The following ARMH1 variants were observed in gnomAD, a reference collection of about 807,000 sequenced individuals.
The protein encoded by ARMH1 is armadillo like helical domain containing 1.
ARMH1 carries 34 observed loss-of-function variants against 50.2 expected under a neutral mutation model. The observed-to-expected ratio is 0.68, with a 90% confidence interval of 0.51 to 0.90. ARMH1 has a LOEUF of 0.90. Ranked by LOEUF, ARMH1 falls within the 40% of genes least tolerant of loss-of-function variation. ARMH1 has a pLI of 0.00. For synonymous variants in ARMH1, 221 were observed against 224.2 expected (o/e 0.99, Z 0.13); for missense variants, 538 against 553.9 (o/e 0.97, Z 0.29).
chr1:44,697,962 G>A (rs773249588), intron 3 of ARMH1, 101 bp from the exon 4 acceptor site: 2 of 905,894 alleles, frequency 2.2e-6, no homozygotes, highest in Non-Finnish European at 3.2e-6. Context: ...CTGGATAGGA[G>A]GGCAAAGTAT....
intron 6 of ARMH1, among the ~76,000 whole-genome samples, chr1:44,722,341 C>G (rs1647399695): frequency 6.6e-6 from 1 of 151,956 alleles, no homozygotes; most frequent in Non-Finnish European, 1.5e-5. Context: ...ATCGCTTGAG[C>G]CCAGGAGTTC....
chr1:44,718,195 T>C (rs949064884), intron 6 of ARMH1, among the ~76,000 whole-genome samples: 3 of 152,214 alleles, frequency 2.0e-5, no homozygotes, highest in Middle Eastern at 3.2e-3. Context: ...CACCAAGTCA[T>C]GTCTTGCTGC....
chr1:44,706,814 C>T (rs1178232301), intron 6 of ARMH1, among the ~76,000 whole-genome samples: 1 of 151,962 alleles, frequency 6.6e-6, no homozygotes, highest in Non-Finnish European at 1.5e-5. Flanking sequence ...ATAGTCAGAC[C>T]CTGCACCAGA....
chr1:44,694,510 T>C (rs1645760351), intron 2 of ARMH1, among the ~76,000 whole-genome samples: 1 of 15,292 alleles, frequency 6.5e-5, no homozygotes. Context: ...TCTTTTTTTC[T>C]TTTTTTTTTT....
intron 6 of ARMH1, among the ~76,000 whole-genome samples, chr1:44,713,309 G>C (rs1249625512): frequency 6.6e-6 from 1 of 151,998 alleles, no homozygotes; most frequent in African/African-American, 2.4e-5. Context: ...ATGTTGGCCA[G>C]GCTGGTCTCC....
chr1:44,706,181 G>T (rs1412644300), intron 6 of ARMH1, among the ~76,000 whole-genome samples: 1 of 152,194 alleles, frequency 6.6e-6, no homozygotes, highest in Non-Finnish European at 1.5e-5. Context: ...TATGCCAGGT[G>T]GGCCAGAGCC....
At chr1:44,721,713 T>C (rs1051068905) in intron 6 of ARMH1, 2 of 152,112 alleles carry the variant, frequency 1.3e-5, no homozygotes, top group East Asian at 1.9e-4. Context: ...TGGGTGACAT[T>C]TGTGGAGCTA....
chr1:44,700,353 C>T (rs948950068), intron 4 of ARMH1, among the ~76,000 whole-genome samples: 1 of 152,164 alleles, frequency 6.6e-6, no homozygotes, highest in Non-Finnish European at 1.5e-5. Context: ...CGCCGTGGCT[C>T]ACGCCTCTAA....
rs1183219741 is a variant in ARMH1, at chr1:44,698,199, A to G, written c.412A>G (p.Thr138Ala). ...LLQVIANSGR[T>A]YKELICESYG... ...TCAGGTTATTGCGAACTCTGGCAGG[A>G]CATACAAGGAACTCATTTGTGAAAG... Residue 138 changes from threonine to alanine, a missense_variant, in exon 4 of 12, where the codon ACA becomes GCA. Physicochemically the swap from Thr to Ala is moderately conservative, Grantham distance 58. Coordinates refer to ENST00000535358, the MANE Select transcript of ARMH1 (RefSeq NM_001145636.2). 3 of 1,552,162 alleles carry G rather than the reference A, an allele frequency of 1.9e-6. No individual in the cohort carries two copies. The highest frequency in any genetic ancestry group is 2.6e-6 in the Non-Finnish European group (3 of 1,147,068).
intron 1 of ARMH1, among the ~76,000 whole-genome samples, chr1:44,685,634 CT>C (rs531526155): frequency 8.9e-4 from 124 of 139,320 alleles, no homozygotes; most frequent in Admixed American, 1.1e-3. Context: ...CTTTTTTTTT[CT>C]TTTTTTTTTT....
chr1:44,698,012 C>T (rs1645887263), intron 3 of ARMH1, 51 bp from the exon 4 acceptor site: 1 of 1,456,026 alleles, frequency 6.9e-7, no homozygotes, highest in Non-Finnish European at 9.2e-7. Context: ...AAGCTCAGTG[C>T]AAAGGAACTT....
Position 44,724,567 on chromosome 1 carries a change from G to A in ARMH1, c.949G>A (p.Ala317Thr), listed in dbSNP as rs1401123633. The change falls in exon 9 of 12, where the codon GCC (alanine) becomes ACC (threonine). Residue 317 changes from alanine (A) to threonine (T), a missense_variant. By Grantham distance (58) the Ala-to-Thr change is moderately conservative. Transcript: ENST00000535358. The surrounding 1 kb of genome is among the most constrained non-coding windows in gnomAD (Gnocchi z 6.4). ...GVLARNDMSI[A>T]EELLYLRVVR... ...CCTGGCGCGCAACGACATGAGCATC[G>A]CCGAGGAGCTGCTGTACCTGCGCGT... is the stretch of plus-strand genomic sequence containing the variant. 1 of 1,515,052 alleles carries A rather than the reference G, an allele frequency of 6.6e-7. No homozygotes were observed. Among genetic ancestry groups the A allele is most frequent in the East Asian group, 2.7e-5 (1 of 37,420 alleles). The allele number at this position is 1,515,052 out of a possible 1,614,324, so 93.9% of individuals were successfully genotyped here.
chr1:44,703,683 G>A (rs966884247), intron 5 of ARMH1, among the ~76,000 whole-genome samples: 1 of 149,342 alleles, frequency 6.7e-6, no homozygotes, highest in Non-Finnish European at 1.5e-5. Context: ...AGCCGAGATC[G>A]CGCCACTGCA....
Position 44,713,169 on chromosome 1 carries a change from G to A in ARMH1, c.724+8996G>A, listed in dbSNP as rs551148692. 4.1e-5 allele frequency among the ~76,000 whole-genome samples: 6 copies of A among 147,988 alleles called. No homozygotes were observed. The South Asian group carries it at 1.3e-3, about 32-fold the overall frequency. On this transcript the variant is annotated intron_variant, in intron 6 of 11. Transcript: ENST00000535358. ...GCTGAAGTGCAGTGGCATGATCTTG[G>A]CTCACTGCAACCTACACCTCCTGGA...
At chr1:44,700,133 A>T (rs1646001895) in intron 4 of ARMH1, among the ~76,000 whole-genome samples, 1 of 151,690 alleles carries the variant, frequency 6.6e-6, no homozygotes, top group Non-Finnish European at 1.5e-5. Context: ...CCTGACGAAC[A>T]TCTCCCTTTT....
At chr1:44,679,527 A>C (rs1186973349) in intron 1 of ARMH1, among the ~76,000 whole-genome samples, 2 of 152,222 alleles carry the variant, frequency 1.3e-5, no homozygotes, top group Non-Finnish European at 2.9e-5. Context: ...ATTTGGCTGC[A>C]GCTAAATAAC....
intron 6 of ARMH1, among the ~76,000 whole-genome samples, chr1:44,704,867 C>T (rs1646268321): frequency 7.1e-6 from 1 of 140,626 alleles, no homozygotes; most frequent in South Asian, 2.3e-4. Flanking sequence ...CGGAATCTCG[C>T]TCTGTCATCC....
chr1:44,711,103 G>A (rs1284110248), intron 6 of ARMH1, among the ~76,000 whole-genome samples: 1 of 152,130 alleles, frequency 6.6e-6, no homozygotes, highest in Non-Finnish European at 1.5e-5. Flanking sequence ...TTCATTATTA[G>A]ACATTCGGGC....
Position 44,724,540 on chromosome 1 carries a change from G to A in ARMH1, c.922G>A (p.Val308Ile), listed in dbSNP as rs1647960319. Residue 308 changes from valine (V) to isoleucine (I), a missense_variant and splice_region_variant, in exon 9 of 12, where the codon GTC becomes ATC. By Grantham distance (29) the Val-to-Ile change is conservative. Transcript: ENST00000535358. The surrounding 1 kb of genome is among the most constrained non-coding windows in gnomAD (Gnocchi z 6.4). ...CCCCAGCCCGAACCCCCGGCCCAGG[G>A]TCCTGGCGCGCAACGACATGAGCAT... ...QQAAAAKAIGVLARNDMSIAE... is the reference protein window; with the variant it reads ...QQAAAAKAIGILARNDMSIAE... The A allele has an allele frequency of 1.3e-6, 2 of 1,509,326 alleles. No homozygotes were observed. Among genetic ancestry groups the A allele is most frequent in the Non-Finnish European group, 1.8e-6 (2 of 1,132,050 alleles). The allele number at this position is 1,509,326 out of a possible 1,614,324, so 93.5% of individuals were successfully genotyped here.
Sources: allele counts gnomAD v4.1 joint callset (sites outside exome capture counted in the v4.1 genomes callset), GRCh38; gene constraint gnomAD v4.1.1; non-coding constraint Gnocchi (gnomAD v3.1); transcripts MANE v1.5; gene names NCBI Gene and HGNC (gene_info 2026-07-23, HGNC 2026-07-21).